EYA4: variants seen among roughly 807,000 people sequenced by gnomAD.
The protein encoded by EYA4 is EYA transcriptional coactivator and phosphatase 4, also known as protein phosphatase EYA4.
A neutral mutation model predicts 87.9 loss-of-function variants in EYA4; 31 were observed. The ratio of observed to expected loss-of-function variants is 0.35; its 90% CI spans 0.27 to 0.48. The LOEUF (loss-of-function observed/expected upper bound fraction) is 0.48. Among genes scored for constraint, EYA4 ranks in the 20% least tolerant of loss-of-function variants. The probability of loss-of-function intolerance (pLI) is 0.99; values close to 1 mark genes in which losing one functional copy is unlikely to be tolerated. For missense variants in EYA4, 678 were observed against 761.4 expected (o/e 0.89, Z 1.29); for synonymous variants, 263 against 270.6 (o/e 0.97, Z 0.28).
At chr6:133,319,332 A>G (rs1356418124) in intron 2 of EYA4, among the ~76,000 whole-genome samples, 1 of 152,244 alleles carries the variant, frequency 6.6e-6, no homozygotes, top group Non-Finnish European at 1.5e-5. Context: ...GTACATAAGT[A>G]TCTGTAATTG....
intron 3 of EYA4, among the ~76,000 whole-genome samples, chr6:133,386,355 C>T (rs1786747994): frequency 6.6e-6 from 1 of 152,038 alleles, no homozygotes; most frequent in South Asian, 2.1e-4. Context: ...GCAGAAGTTT[C>T]CATGAATCTT....
Position 133,348,554 on chromosome 6 carries a change from C to T in EYA4, c.34-33838C>T, listed in dbSNP as rs539172226. ...TGCTGGGATTACAGGCATGAGCCAC[C>T]GTACCCAGCCTCAAGTTTTTAATGT... On this transcript the variant is annotated intron_variant, in intron 2 of 19. Transcript: ENST00000355286. Among the ~76,000 whole-genome samples, 497 of 152,062 alleles carry T rather than the reference C, an allele frequency of 3.3e-3. 3 individuals carry two copies. The highest frequency in any genetic ancestry group is 0.011 in the African/African-American group (461 of 41,510).
At chr6:133,246,221 G>A (rs1224570240) in intron 1 of EYA4, among the ~76,000 whole-genome samples, 1 of 152,158 alleles carries the variant, frequency 6.6e-6, no homozygotes, top group African/African-American at 2.4e-5. Flanking sequence ...ACCTTTCAGA[G>A]TTGGTCTGGC....
At chr6:133,314,747 A>G (rs1429696131) in intron 2 of EYA4, among the ~76,000 whole-genome samples, 1 of 152,162 alleles carries the variant, frequency 6.6e-6, no homozygotes, top group Admixed American at 6.5e-5. Context: ...TTTGATTTTG[A>G]TTTTTACTGT....
In EYA4 at chr6:133,302,118, C is replaced by G. The variant is rs531582928; in HGVS notation, c.33+27305C>G. On this transcript the variant is annotated intron_variant, in intron 2 of 19. Transcript: ENST00000355286. ...ACCAGATTTTGAAAAGCCTTGGATGCCTAGTGAAGGAGTTCTGGGTTACGC... is the reference window on the plus strand; with the variant it reads ...ACCAGATTTTGAAAAGCCTTGGATGGCTAGTGAAGGAGTTCTGGGTTACGC... Among the ~76,000 whole-genome samples the G allele has an allele frequency of 2.0e-5, 3 of 152,258 alleles. No homozygotes were observed. In the East Asian group the frequency reaches 5.8e-4, roughly 29 times the overall value.
At chr6:133,392,815 AG>A (rs1428442316) in intron 3 of EYA4, among the ~76,000 whole-genome samples, 1 of 152,162 alleles carries the variant, frequency 6.6e-6, no homozygotes, top group Non-Finnish European at 1.5e-5. Context: ...CACATGTATT[AG>A]TGATTAATTC....
intron 3 of EYA4, among the ~76,000 whole-genome samples, chr6:133,437,709 G>A (rs1791828150): frequency 6.6e-6 from 1 of 152,134 alleles, no homozygotes; most frequent in African/African-American, 2.4e-5. Flanking sequence ...TGACCGGGAA[G>A]CAAGGCACCT....
intron 14 of EYA4, among the ~76,000 whole-genome samples, chr6:133,506,693 G>T (rs1227910542): frequency 6.6e-6 from 1 of 152,144 alleles, no homozygotes. Flanking sequence ...GCATTTAAAT[G>T]CATTTATTTT....
chr6:133,274,935 A>G, intron 2 of EYA4, 122 bp downstream of exon 2: 2 of 802,834 alleles, frequency 2.5e-6, no homozygotes, highest in East Asian at 2.7e-5. Context: ...ATGATTTTTG[A>G]ATTTCCTTTC....
At chr6:133,351,390 T>C (rs1783630109) in intron 2 of EYA4, among the ~76,000 whole-genome samples, 1 of 152,200 alleles carries the variant, frequency 6.6e-6, no homozygotes, top group Admixed American at 6.5e-5. Flanking sequence ...CCTATGTATA[T>C]GCAGTTCAGT....
chr6:133,327,142 A>AT (rs781529981), intron 2 of EYA4, among the ~76,000 whole-genome samples: 1 of 151,996 alleles, frequency 6.6e-6, no homozygotes, highest in Non-Finnish European at 1.5e-5. Context: ...ATTTTATTTT[A>AT]TTTTTATTTT....
At chr6:133,336,623 A>G (rs957414630) in intron 2 of EYA4, among the ~76,000 whole-genome samples, 2 of 152,222 alleles carry the variant, frequency 1.3e-5, no homozygotes, top group Admixed American at 6.5e-5. Context: ...GAAAGCTATC[A>G]AAGACCTTCT....
intron 3 of EYA4, among the ~76,000 whole-genome samples, chr6:133,391,552 A>C (rs1255392361): frequency 6.6e-6 from 1 of 152,074 alleles, no homozygotes; most frequent in African/African-American, 2.4e-5. Flanking sequence ...TCTCCAGGCC[A>C]CACAACAAGA....
At position 133,312,021 on chromosome 6, in the gene EYA4, A is replaced by G. The variant is rs181391138; in HGVS notation, c.33+37208A>G. The stretch of plus-strand genomic sequence containing the variant: ...AAGAATAGGTTCATGATTTTATGAA[A>G]GCAGGTAACAGTGAAGTCTTACTGA... On this transcript the variant is annotated intron_variant, in intron 2 of 19. Transcript: ENST00000355286. 7.3e-3 allele frequency among the ~76,000 whole-genome samples: 1,111 copies of G among 152,286 alleles called. 15 individuals are homozygous for G. The highest frequency in any genetic ancestry group is 0.025 in the African/African-American group (1,051 of 41,554).
At chr6:133,333,799 C>T (rs1277171911) in intron 2 of EYA4, among the ~76,000 whole-genome samples, 3 of 152,000 alleles carry the variant, frequency 2.0e-5, no homozygotes, top group Non-Finnish European at 4.4e-5. Flanking sequence ...GTAACATGAT[C>T]ATTGTAGTGA....
At chr6:133,518,667 T>A (rs1799825005) in intron 17 of EYA4, among the ~76,000 whole-genome samples, 1 of 152,164 alleles carries the variant, frequency 6.6e-6, no homozygotes, top group Non-Finnish European at 1.5e-5. Flanking sequence ...AAAAGCCACT[T>A]AAGCAACTCA....
rs112167262 is a variant in EYA4 at position 133,348,618 on chromosome 6, T to G, written c.34-33774T>G. On this transcript the variant is annotated intron_variant, in intron 2 of 19. Coordinates refer to ENST00000355286, the MANE Select transcript of EYA4 (RefSeq NM_004100.5). ...GGTGATCTCATCCAGTCTCTGATCT[T>G]TAAATACCATTTTTTATAGGGAAGA... Among the ~76,000 whole-genome samples the G allele has an allele frequency of 9.3e-4, 142 of 152,254 alleles. No homozygotes were observed. In the Middle Eastern group the frequency reaches 0.01, roughly 11 times the overall value.
intron 2 of EYA4, among the ~76,000 whole-genome samples, chr6:133,375,105 G>C (rs1404461227): frequency 6.6e-6 from 1 of 151,996 alleles, no homozygotes; most frequent in Non-Finnish European, 1.5e-5. Flanking sequence ...GTGAAAGATA[G>C]AAAATGAGTC....
At chr6:133,345,174 GA>G (rs910079979) in intron 2 of EYA4, among the ~76,000 whole-genome samples, 4 of 151,712 alleles carry the variant, frequency 2.6e-5, no homozygotes, top group South Asian at 4.2e-4. Context: ...AAATTTAAAA[GA>G]AAAAAAATAC....
Sources: allele counts gnomAD v4.1 joint callset (sites outside exome capture counted in the v4.1 genomes callset), GRCh38; gene constraint gnomAD v4.1.1; transcripts MANE v1.5; gene names NCBI Gene and HGNC (gene_info 2026-07-23, HGNC 2026-07-21).